The following GRIN2B variants were observed in gnomAD, a reference collection of about 807,000 sequenced individuals.
The protein encoded by GRIN2B is glutamate receptor ionotropic, NMDA 2B.
In GRIN2B, 5 loss-of-function variants were observed where a neutral mutation model predicts 114.5. That is an observed-to-expected ratio of 0.04 (90% confidence interval 0.02 to 0.09). GRIN2B has a LOEUF of 0.09. Ranked by LOEUF, GRIN2B falls within the 10% of genes least tolerant of loss-of-function variation. The pLI, the probability that GRIN2B is intolerant of heterozygous loss-of-function variation, is 1.00. For synonymous variants in GRIN2B, 787 were observed against 745.1 expected, an observed-to-expected ratio of 1.06 and a Z score of -0.92; for missense variants, 1,108 against 1,943.5, an observed-to-expected ratio of 0.57 and a Z score of 8.08.
rs536004924 is a variant in GRIN2B at position 13,576,442 on chromosome 12, A to C, written c.2011-4478T>G. ...GACCCTGAAAAAATAATTTTTAAAC[A>C]AATTTAAAAGCCTAATATATCAGGG... On this transcript the variant is annotated intron_variant, in intron 10 of 13. Transcript: ENST00000609686. 2.0e-5 allele frequency among the ~76,000 whole-genome samples: 3 copies of C among 152,356 alleles called. No homozygotes were observed. The South Asian group carries it at 6.2e-4, about 32-fold the overall frequency.
chr12:13,774,552 C>T (rs1357857692), intron 3 of GRIN2B, among the ~76,000 whole-genome samples: 1 of 152,124 alleles, frequency 6.6e-6, no homozygotes, highest in African/African-American at 2.4e-5. Flanking sequence ...GGATTACTAT[C>T]CACTGGATTA....
In GRIN2B at chr12:13,804,249, G is replaced by A. The variant is rs368123032; in HGVS notation, c.412-50334C>T. On this transcript the variant is annotated intron_variant, in intron 3 of 13. Coordinates refer to ENST00000609686, the MANE Select transcript of GRIN2B (RefSeq NM_000834.5). ...CTGTGGACTGTTTTTTTTTTTCACC[G>A]TACACTGCATTACTTACATTCTATT... 8.0e-4 allele frequency among the ~76,000 whole-genome samples: 111 copies of A among 139,504 alleles called. 1 individual carries two copies. Among genetic ancestry groups the A allele is most frequent in the South Asian group, 7.6e-3 (34 of 4,474 alleles). 91.5% of individuals were successfully genotyped at this position (139,504 alleles called of 152,430 possible).
intron 4 of GRIN2B, among the ~76,000 whole-genome samples, chr12:13,728,712 C>T (rs1591699880): frequency 6.6e-6 from 1 of 152,110 alleles, no homozygotes; most frequent in Non-Finnish European, 1.5e-5. Context: ...AGCCAATGCT[C>T]AGTGAAAATT....
chr12:13,830,468 A>G (rs185748496), intron 3 of GRIN2B, among the ~76,000 whole-genome samples: 11 of 152,378 alleles, frequency 7.2e-5, no homozygotes, highest in African/African-American at 2.2e-4. Context: ...TAGAGAAACT[A>G]TAGCAAACAT....
chr12:13,855,614 C>T (rs1865646851), intron 3 of GRIN2B, among the ~76,000 whole-genome samples: 1 of 152,118 alleles, frequency 6.6e-6, no homozygotes, highest in Non-Finnish European at 1.5e-5. Context: ...ACAACTACCA[C>T]CTCTATCTCT....
intron 3 of GRIN2B, among the ~76,000 whole-genome samples, chr12:13,826,827 A>G (rs961976712): frequency 6.6e-6 from 1 of 152,082 alleles, no homozygotes; most frequent in South Asian, 2.1e-4. Context: ...TTGTAGTTCT[A>G]AGTTTATATC....
intron 10 of GRIN2B, among the ~76,000 whole-genome samples, chr12:13,604,790 G>A (rs950384844): frequency 1.3e-5 from 2 of 151,278 alleles, no homozygotes; most frequent in Admixed American, 1.3e-4. Context: ...CTCTCTTTCT[G>A]ATTTATATAA....
chr12:13,899,853 G>A (rs760610924), intron 2 of GRIN2B, among the ~76,000 whole-genome samples: 2 of 105,934 alleles, frequency 1.9e-5, no homozygotes, highest in Non-Finnish European at 2.7e-5. Flanking sequence ...TTTTAATTGA[G>A]GAATAATTTC....
intron 2 of GRIN2B, among the ~76,000 whole-genome samples, chr12:13,883,810 T>C (rs1866105770): frequency 6.6e-6 from 1 of 152,178 alleles, no homozygotes; most frequent in Non-Finnish European, 1.5e-5. Flanking sequence ...GTAATTAATT[T>C]TTTCTTTTAT....
At chr12:13,669,328 C>T (rs1950003324) in intron 5 of GRIN2B, among the ~76,000 whole-genome samples, 1 of 152,074 alleles carries the variant, frequency 6.6e-6, no homozygotes, top group Non-Finnish European at 1.5e-5. Context: ...AATAAGTCAT[C>T]ACCTCATTGC....
chr12:13,814,675 T>C (rs1381643850), intron 3 of GRIN2B, among the ~76,000 whole-genome samples: 6 of 152,350 alleles, frequency 3.9e-5, no homozygotes, highest in South Asian at 2.1e-4. Context: ...CCAGTGATGA[T>C]AGAAATGTTT....
intron 9 of GRIN2B, chr12:13,610,002 C>T (rs1315766850): frequency 6.6e-6 from 1 of 152,182 alleles, no homozygotes; most frequent in African/African-American, 2.4e-5. Context: ...CTCCATGTAG[C>T]CCCTCCACTG....
At chr12:13,852,888 A>T (rs886205456) in intron 3 of GRIN2B, among the ~76,000 whole-genome samples, 1 of 151,780 alleles carries the variant, frequency 6.6e-6, no homozygotes, top group African/African-American at 2.4e-5. Context: ...AAAAAACAGC[A>T]CCCTGCCAAT....
intron 3 of GRIN2B, among the ~76,000 whole-genome samples, chr12:13,820,329 G>A (rs758592784): frequency 4.6e-5 from 7 of 152,100 alleles, no homozygotes; most frequent in Non-Finnish European, 7.4e-5. Flanking sequence ...TGGAGAAGAC[G>A]TTGTCATTTC....
At chr12:13,806,577 T>A (rs1480735489) in intron 3 of GRIN2B, among the ~76,000 whole-genome samples, 1 of 152,168 alleles carries the variant, frequency 6.6e-6, no homozygotes. Flanking sequence ...GTTATTAGTT[T>A]TCTTGCTATT....
rs3082833 is a variant in GRIN2B at position 13,794,207 on chromosome 12, CA to C, written c.412-40293del. Among the ~76,000 whole-genome samples the C allele has an allele frequency of 9.8e-3, 1,010 of 102,988 alleles. 9 individuals are homozygous for C. The highest frequency in any genetic ancestry group is 0.035 in the African/African-American group (916 of 25,804). 67.6% of individuals were successfully genotyped at this position (102,988 alleles called of 152,430 possible). On this transcript the variant is annotated intron_variant, in intron 3 of 13. Transcript: ENST00000609686. ...TGGGCAATAGTGTGAGACTCTGTCT[CA>C]AAAAAAAAAAAAAAAGAAAAAGAAA...
chr12:13,836,194 C>T (rs1865261545), intron 3 of GRIN2B, among the ~76,000 whole-genome samples: 1 of 152,190 alleles, frequency 6.6e-6, no homozygotes, highest in Admixed American at 6.5e-5. Context: ...GGGCTGCCAG[C>T]CCCACAGCAA....
chr12:13,953,269 A>C (rs1267496631), intron 2 of GRIN2B, among the ~76,000 whole-genome samples: 8 of 152,082 alleles, frequency 5.3e-5, no homozygotes, highest in Non-Finnish European at 1.0e-4. Flanking sequence ...AGTCACGTAG[A>C]GCCATGCTCT....
At chr12:13,623,141 C>T (rs1949533612) in intron 5 of GRIN2B, among the ~76,000 whole-genome samples, 2 of 152,204 alleles carry the variant, frequency 1.3e-5, no homozygotes, top group South Asian at 4.1e-4. Flanking sequence ...TTTCCCACTT[C>T]AGTGTGGAAT....
Sources: allele counts gnomAD v4.1 joint callset (sites outside exome capture counted in the v4.1 genomes callset), GRCh38; gene constraint gnomAD v4.1.1; transcripts MANE v1.5; gene names NCBI Gene and HGNC (gene_info 2026-07-23, HGNC 2026-07-21).